SCFD2: variants seen among roughly 807,000 people sequenced by gnomAD.
The protein encoded by SCFD2 is sec1 family domain containing 2, also known as sec1 family domain-containing protein 2.
SCFD2 carries 54 observed loss-of-function variants against 58.9 expected under a neutral mutation model. The ratio of observed to expected loss-of-function variants is 0.92; its 90% CI spans 0.74 to 1.15. The LOEUF (loss-of-function observed/expected upper bound fraction) is 1.15, where lower values mean the gene tolerates loss of function less well. Among genes scored for constraint, SCFD2 ranks in the 50% most tolerant of loss-of-function variants. SCFD2 has a pLI of 0.00. For missense variants in SCFD2, 805 were observed against 836.6 expected (o/e 0.96, Z 0.47); for synonymous variants, 321 against 335.9 (o/e 0.96, Z 0.49).
At chr4:53,251,059 C>T (rs944381652) in intron 4 of SCFD2, among the ~76,000 whole-genome samples, 9 of 152,000 alleles carry the variant, frequency 5.9e-5, no homozygotes, top group Non-Finnish European at 8.8e-5. Flanking sequence ...ATATCACCAC[C>T]GATCCCACAG....
intron 4 of SCFD2, among the ~76,000 whole-genome samples, chr4:53,156,746 T>C (rs1726702392): frequency 2.0e-5 from 3 of 152,232 alleles, no homozygotes; most frequent in South Asian, 2.1e-4. Flanking sequence ...ATTAATCTTA[T>C]TGACTTTCAA....
At chr4:53,246,745 C>G (rs112451257) in intron 4 of SCFD2, among the ~76,000 whole-genome samples, 1 of 151,998 alleles carries the variant, frequency 6.6e-6, no homozygotes, top group Admixed American at 6.6e-5. Context: ...TATAAAAACC[C>G]TGGAAGATAA....
intron 4 of SCFD2, among the ~76,000 whole-genome samples, chr4:53,233,659 G>A: frequency 6.6e-6 from 1 of 152,080 alleles, no homozygotes; most frequent in East Asian, 1.9e-4. Context: ...CTCCAAATCT[G>A]GCCATATGCC....
At chr4:53,063,443 A>G (rs951336965) in intron 5 of SCFD2, among the ~76,000 whole-genome samples, 16 of 152,180 alleles carry the variant, frequency 1.1e-4, no homozygotes, top group African/African-American at 3.4e-4. Flanking sequence ...TTCCCATTTT[A>G]AAAGGAGATA....
intron 5 of SCFD2, among the ~76,000 whole-genome samples, chr4:53,085,098 T>A (rs1724266634): frequency 6.6e-6 from 1 of 152,140 alleles, no homozygotes; most frequent in Non-Finnish European, 1.5e-5. Flanking sequence ...AGTCAAATTA[T>A]CCTTGTTTAC....
At chr4:53,130,307 A>T (rs1361394169) in intron 5 of SCFD2, among the ~76,000 whole-genome samples, 1 of 152,228 alleles carries the variant, frequency 6.6e-6, no homozygotes, top group Non-Finnish European at 1.5e-5. Context: ...AAAAATCTTC[A>T]AGTAATTGTT....
At chr4:53,028,108 G>C (rs1237579059) in intron 5 of SCFD2, among the ~76,000 whole-genome samples, 1 of 151,946 alleles carries the variant, frequency 6.6e-6, no homozygotes, top group East Asian at 1.9e-4. Context: ...TTAGCTGGGC[G>C]TGGTGGCAGG....
intron 5 of SCFD2, among the ~76,000 whole-genome samples, chr4:53,066,640 C>T (rs1371487196): frequency 1.3e-5 from 2 of 151,954 alleles, no homozygotes; most frequent in Non-Finnish European, 2.9e-5. Context: ...GTGATCTGGG[C>T]CCCCACCCAA....
At chr4:53,177,230 T>C (rs886983701) in intron 4 of SCFD2, among the ~76,000 whole-genome samples, 58 of 152,308 alleles carry the variant, frequency 3.8e-4, no homozygotes, top group African/African-American at 1.2e-3. Flanking sequence ...TAGAATCATA[T>C]AAGCAGACAA....
intron 5 of SCFD2, among the ~76,000 whole-genome samples, chr4:52,980,564 G>C (rs1458126155): frequency 6.6e-6 from 1 of 152,122 alleles, no homozygotes; most frequent in Non-Finnish European, 1.5e-5. Context: ...AAATTTTTTG[G>C]AGAGAATACG....
chr4:53,325,204 C>A (rs550494677), intron 2 of SCFD2, among the ~76,000 whole-genome samples: 16 of 149,822 alleles, frequency 1.1e-4, no homozygotes, highest in African/African-American at 3.7e-4. Flanking sequence ...CGTGCGCGCA[C>A]GCTTACATAT....
intron 8 of SCFD2, among the ~76,000 whole-genome samples, chr4:52,882,385 A>G (rs1389757665): frequency 6.6e-6 from 1 of 152,148 alleles, no homozygotes. Flanking sequence ...TCTAGAGGAG[A>G]TATTAGAACC....
chr4:53,180,730 A>T (rs1420675339), intron 4 of SCFD2, among the ~76,000 whole-genome samples: 2 of 152,192 alleles, frequency 1.3e-5, no homozygotes, highest in Non-Finnish European at 2.9e-5. Context: ...TTTTGAAAAG[A>T]TCAACAAAAT....
At chr4:53,239,769 C>T (rs1302375109) in intron 4 of SCFD2, among the ~76,000 whole-genome samples, 2 of 152,166 alleles carry the variant, frequency 1.3e-5, no homozygotes, top group Non-Finnish European at 2.9e-5. Flanking sequence ...AGGCACCATG[C>T]CCGGCCTTTG....
intron 4 of SCFD2, among the ~76,000 whole-genome samples, chr4:53,192,526 C>G (rs1727944623): frequency 6.6e-6 from 1 of 152,042 alleles, no homozygotes; most frequent in Admixed American, 6.6e-5. Context: ...CTACTGTATT[C>G]TAAATAAAAT....
chr4:53,345,451 C>G (rs766930960), intron 2 of SCFD2, among the ~76,000 whole-genome samples: 19 of 152,172 alleles, frequency 1.2e-4, no homozygotes, highest in Non-Finnish European at 2.6e-4. Flanking sequence ...CAAACAATAG[C>G]TGCTGGAGAG....
chr4:53,338,742 G>A (rs1268361726), intron 2 of SCFD2, among the ~76,000 whole-genome samples: 3 of 151,296 alleles, frequency 2.0e-5, no homozygotes, highest in Admixed American at 6.6e-5. Context: ...CACTACGCCC[G>A]GCTAATTTTT....
intron 5 of SCFD2, among the ~76,000 whole-genome samples, chr4:52,991,392 C>T (rs576448509): frequency 1.9e-4 from 29 of 152,234 alleles, no homozygotes; most frequent in African/African-American, 6.0e-4. Context: ...ATGTTGATTT[C>T]GAAGTCCACA....
At chr4:53,260,175 C>T (rs1392624479) in intron 4 of SCFD2, among the ~76,000 whole-genome samples, 1 of 152,052 alleles carries the variant, frequency 6.6e-6, no homozygotes, top group Non-Finnish European at 1.5e-5. Flanking sequence ...CATCAGCAAA[C>T]AACAAGAGTT....
Sources: gnomAD v4.1 joint callset for allele counts (sites outside exome capture counted in the v4.1 genomes callset) on GRCh38, gnomAD v4.1.1 for gene constraint, MANE v1.5 for transcripts, NCBI Gene and HGNC (gene_info 2026-07-23, HGNC 2026-07-21) for gene names.